The following ROBO2 variants were observed in gnomAD, a reference collection of about 807,000 sequenced individuals.
The protein encoded by ROBO2 is roundabout guidance receptor 2.
Under a neutral mutation model 160.8 loss-of-function variants are expected in ROBO2, and 53 were observed. The observed-to-expected ratio is 0.33, with a 90% CI of 0.26 to 0.41. The LOEUF is 0.41. ROBO2 is among the 10% of genes least tolerant of loss of function. The pLI, the probability that ROBO2 is intolerant of heterozygous loss-of-function variation, is 1.00. For synonymous variants in ROBO2, 664 were observed against 611.7 expected (o/e 1.09, Z -1.26); for missense variants, 1,577 against 1,722.4 (o/e 0.92, Z 1.49).
intron 24 of ROBO2, among the ~76,000 whole-genome samples, chr3:77,641,443 C>G (rs1559788004): frequency 6.6e-6 from 1 of 152,156 alleles, no homozygotes; most frequent in Non-Finnish European, 1.5e-5. Context: ...GTTAAGGAAG[C>G]TATCTTTTGT....
intron 1 of ROBO2, among the ~76,000 whole-genome samples, chr3:77,062,568 G>T (rs894242775): frequency 6.6e-6 from 1 of 152,108 alleles, no homozygotes; most frequent in Non-Finnish European, 1.5e-5. Flanking sequence ...TCTCCCAGAG[G>T]TCATGATTGT....
intron 2 of ROBO2, among the ~76,000 whole-genome samples, chr3:77,369,901 T>G (rs2071483139): frequency 6.6e-6 from 1 of 152,180 alleles, no homozygotes; most frequent in Non-Finnish European, 1.5e-5. Flanking sequence ...ACAGTGATAT[T>G]TGAAAAGTCA....
chr3:76,758,426 G>A (rs2061110669), intron 2 of ROBO2, among the ~76,000 whole-genome samples: 1 of 151,774 alleles, frequency 6.6e-6, no homozygotes, highest in Non-Finnish European at 1.5e-5. Context: ...AGGGTGTGAG[G>A]TCTGTAAATG....
At chr3:76,840,645 T>TTATATATA (rs3068959) in intron 2 of ROBO2, among the ~76,000 whole-genome samples, 161 of 134,954 alleles carry the variant, frequency 1.2e-3, no homozygotes, top group African/African-American at 2.5e-3. Flanking sequence ...TAATTATATT[T>TTATATATA]TATATATATA....
chr3:77,143,710 C>T (rs532116273), intron 2 of ROBO2, among the ~76,000 whole-genome samples: 3 of 152,148 alleles, frequency 2.0e-5, no homozygotes, highest in South Asian at 4.1e-4. Flanking sequence ...GTATTTTTCT[C>T]GCTTGAAATC....
At chr3:76,255,672 A>C (rs1025175500) in intron 2 of ROBO2, among the ~76,000 whole-genome samples, 1 of 152,152 alleles carries the variant, frequency 6.6e-6, no homozygotes, top group Non-Finnish European at 1.5e-5. Flanking sequence ...GAAATGGTTT[A>C]TAGATTTAAA....
intron 1 of ROBO2, among the ~76,000 whole-genome samples, chr3:75,919,388 A>G (rs1334502965): frequency 6.6e-6 from 1 of 152,130 alleles, no homozygotes; most frequent in Non-Finnish European, 1.5e-5. Context: ...GCATGAAGCC[A>G]ACTTGATCGT....
At chr3:77,243,866 C>T (rs147969547) in intron 2 of ROBO2, among the ~76,000 whole-genome samples, 5 of 152,120 alleles carry the variant, frequency 3.3e-5, no homozygotes, top group African/African-American at 1.2e-4. Flanking sequence ...TGGTATGGGG[C>T]ATATAAGTTT....
intron 2 of ROBO2, among the ~76,000 whole-genome samples, chr3:76,369,626 C>T (rs754836743): frequency 1.3e-5 from 2 of 151,878 alleles, no homozygotes; most frequent in Admixed American, 6.6e-5. Flanking sequence ...TGTATCTTTT[C>T]GGCAACATCA....
intron 2 of ROBO2, among the ~76,000 whole-genome samples, chr3:76,159,014 G>A (rs754432243): frequency 3.9e-5 from 6 of 152,158 alleles, no homozygotes; most frequent in African/African-American, 9.7e-5. Flanking sequence ...ATGCTTATGG[G>A]TATTTAAACC....
chr3:77,631,108 G>T (rs1011831595), intron 23 of ROBO2: 1 of 151,682 alleles, frequency 6.6e-6, no homozygotes, highest in African/African-American at 2.4e-5. Context: ...CGGCTTCCTT[G>T]CAGTGGCCTG....
intron 2 of ROBO2, among the ~76,000 whole-genome samples, chr3:76,588,027 A>G (rs930311273): frequency 3.9e-5 from 6 of 152,290 alleles, no homozygotes; most frequent in African/African-American, 1.4e-4. Context: ...TGTGTGTTAT[A>G]TTTATAAAAT....
chr3:77,463,572 A>G (rs1485683149), intron 2 of ROBO2, among the ~76,000 whole-genome samples: 2 of 151,612 alleles, frequency 1.3e-5, no homozygotes, highest in Admixed American at 1.3e-4. Flanking sequence ...TATTATTATT[A>G]TTGTTATTAT....
At chr3:76,029,496 C>T (rs1444105457) in intron 2 of ROBO2, among the ~76,000 whole-genome samples, 1 of 152,026 alleles carries the variant, frequency 6.6e-6, no homozygotes, top group African/African-American at 2.4e-5. Context: ...AGTATTTCTC[C>T]TAAAGCTATC....
chr3:77,577,551 T>C (rs995040321), exon 15 of ROBO2: 1 of 1,613,284 alleles, frequency 6.2e-7, no homozygotes, highest in African/African-American at 1.3e-5. Flanking sequence ...ATAGCACAAG[T>C]ATTAGTGTTT....
chr3:77,521,601 G>A (rs2090604865), intron 5 of ROBO2, among the ~76,000 whole-genome samples: 1 of 151,226 alleles, frequency 6.6e-6, no homozygotes, highest in Admixed American at 6.6e-5. Flanking sequence ...AGACAGAAAA[G>A]TAACCATGAT....
chr3:77,239,473 TGAAA>T (rs2088626134), intron 2 of ROBO2, among the ~76,000 whole-genome samples: 1 of 151,948 alleles, frequency 6.6e-6, no homozygotes, highest in African/African-American at 2.4e-5. Flanking sequence ...TTGCAAAGGG[TGAAA>T]GAACAAAGCT....
intron 2 of ROBO2, among the ~76,000 whole-genome samples, chr3:77,448,471 T>G (rs1053690245): frequency 1.3e-5 from 2 of 152,146 alleles, no homozygotes; most frequent in African/African-American, 4.8e-5. Flanking sequence ...GGCCCTAATC[T>G]CTGACACACA....
rs544974614 is a variant in ROBO2 at position 75,919,530 on chromosome 3, T to C, written c.-14+12570T>C. The stretch of plus-strand genomic sequence containing the variant: ...ATTGGGTCTTTGCCAGGTTTTGGAA[T>C]CAGAATGATGCTGGCCTCATAAAAT... On this transcript the variant is annotated intron_variant, in intron 1 of 26. Coordinates refer to the ROBO2 transcript ENST00000487694. 5.9e-5 allele frequency among the ~76,000 whole-genome samples: 9 copies of C among 152,348 alleles called. No individual in the cohort carries two copies. The East Asian group carries it at 1.7e-3, about 29-fold the overall frequency.
Sources: allele counts gnomAD v4.1 joint callset (sites outside exome capture counted in the v4.1 genomes callset), GRCh38; gene constraint gnomAD v4.1.1; transcripts MANE v1.5; gene names NCBI Gene and HGNC (gene_info 2026-07-23, HGNC 2026-07-21).